The following ATP6V0E1 variants were observed in gnomAD, a reference collection of about 807,000 sequenced individuals.
ATP6V0E1 encodes V-type proton ATPase subunit e 1.
A neutral mutation model predicts 11.6 loss-of-function variants in ATP6V0E1; 4 were observed. The ratio of observed to expected loss-of-function variants is 0.35; its 90% CI spans 0.17 to 0.79. The LOEUF (loss-of-function observed/expected upper bound fraction) is 0.79, where lower values mean the gene tolerates loss of function less well. ATP6V0E1 is among the 30% of genes least tolerant of loss of function. ATP6V0E1 has a pLI of 0.54. For missense variants in ATP6V0E1, 105 were observed against 100.0 expected (o/e 1.05, Z -0.21); for synonymous variants, 36 against 34.8 (o/e 1.04, Z -0.13).
intron 2 of ATP6V0E1, among the ~76,000 whole-genome samples, chr5:173,008,278 G>C (rs1030893387): frequency 6.7e-6 from 1 of 149,794 alleles, no homozygotes; most frequent in Non-Finnish European, 1.5e-5. Context: ...GGAGAGTCCT[G>C]TTCCTTTTTT....
chr5:172,989,571 G>T (rs1755948629), intron 1 of ATP6V0E1, among the ~76,000 whole-genome samples: 1 of 151,104 alleles, frequency 6.6e-6, no homozygotes, highest in Non-Finnish European at 1.5e-5. Context: ...CTGTCACCCA[G>T]GCTGGAGTGC....
In ATP6V0E1 at chr5:173,017,426, C is replaced by T. The variant is rs548032197; in HGVS notation, c.153-2812C>T. 3.6e-4 allele frequency among the ~76,000 whole-genome samples: 54 copies of T among 150,744 alleles called. No individual in the cohort carries two copies. The South Asian group carries it at 8.9e-3, about 25-fold the overall frequency. ...GCAGGCGCCTGTAATCCCAACTACTCGGGAGGCTGAGGCGGGAGAATCGCT... is the reference window on the plus strand; with the variant it reads ...GCAGGCGCCTGTAATCCCAACTACTTGGGAGGCTGAGGCGGGAGAATCGCT... On this transcript the variant is annotated intron_variant, in intron 2 of 3. Coordinates refer to ENST00000519374, the MANE Select transcript of ATP6V0E1 (RefSeq NM_003945.4).
intron 3 of ATP6V0E1, among the ~76,000 whole-genome samples, chr5:173,025,504 C>CTTTTTTT (rs60822937): frequency 3.1e-5 from 2 of 65,570 alleles, no homozygotes; most frequent in Non-Finnish European, 5.5e-5. Context: ...ATATAAAATA[C>CTTTTTTT]TTTTTTTTTT....
chr5:173,001,918 A>G (rs1395975729), intron 2 of ATP6V0E1, among the ~76,000 whole-genome samples: 1 of 152,052 alleles, frequency 6.6e-6, no homozygotes, highest in East Asian at 1.9e-4. Context: ...AGGTTTCTCC[A>G]TGTTGGTCAG....
At chr5:173,019,498 A>G (rs1482654842) in intron 2 of ATP6V0E1, among the ~76,000 whole-genome samples, 1 of 152,022 alleles carries the variant, frequency 6.6e-6, no homozygotes, top group Non-Finnish European at 1.5e-5. Context: ...AGCTTGCAGC[A>G]AGCCGAGATT....
At chr5:173,014,729 GT>G (rs1756377538) in intron 2 of ATP6V0E1, among the ~76,000 whole-genome samples, 1 of 151,760 alleles carries the variant, frequency 6.6e-6, no homozygotes, top group African/African-American at 2.4e-5. Flanking sequence ...AGGAAGGAAA[GT>G]TGTGGGAATA....
intron 2 of ATP6V0E1, among the ~76,000 whole-genome samples, chr5:173,001,605 A>G (rs1756154394): frequency 6.6e-6 from 1 of 152,058 alleles, no homozygotes; most frequent in Admixed American, 6.6e-5. Context: ...CAACCAAGTA[A>G]CCACACGTGG....
At chr5:173,027,193 A>AC (rs1756575431) in intron 3 of ATP6V0E1, among the ~76,000 whole-genome samples, 3 of 133,272 alleles carry the variant, frequency 2.3e-5, no homozygotes, top group Non-Finnish European at 4.8e-5. Context: ...AAAAAAAAAA[A>AC]AAAAAAAAAA....
At chr5:173,024,284 T>A (rs930516833) in intron 3 of ATP6V0E1, among the ~76,000 whole-genome samples, 1 of 151,784 alleles carries the variant, frequency 6.6e-6, no homozygotes, top group Non-Finnish European at 1.5e-5. Flanking sequence ...TTAATTTTCA[T>A]AGTAAGATGT....
At chr5:173,002,416 A>G (rs1287967891) in intron 2 of ATP6V0E1, among the ~76,000 whole-genome samples, 2 of 152,176 alleles carry the variant, frequency 1.3e-5, no homozygotes, top group African/African-American at 4.8e-5. Context: ...TGGAAATTTT[A>G]ATAGAAAAAC....
intron 2 of ATP6V0E1, among the ~76,000 whole-genome samples, chr5:173,013,471 A>C (rs1250746049): frequency 6.7e-6 from 1 of 148,556 alleles, no homozygotes; most frequent in African/African-American, 2.5e-5. Context: ...GCTACTCCGG[A>C]GGCTGAGGCA....
chr5:173,020,694 G>A (rs1425993562), intron 3 of ATP6V0E1: 1 of 520,448 alleles, frequency 1.9e-6, no homozygotes, highest in Non-Finnish European at 3.8e-6. Flanking sequence ...ACTTTAAAAA[G>A]TGGCTGGCAG....
At chr5:173,033,082 G>A (rs1561778921) in intron 3 of ATP6V0E1, among the ~76,000 whole-genome samples, 1 of 152,202 alleles carries the variant, frequency 6.6e-6, no homozygotes, top group African/African-American at 2.4e-5. Context: ...AGGTGAGAGA[G>A]CGAGACTGTC....
chr5:173,020,138 ATTTAAG>A, intron 2 of ATP6V0E1, 94 bp from the exon 3 acceptor site: 1 of 906,930 alleles, frequency 1.1e-6, no homozygotes, highest in Non-Finnish European at 1.8e-6. Context: ...AATGCAGTAG[ATTTAAG>A]TTTTGCTAGT....
At chr5:173,022,323 T>G (rs920792518) in intron 3 of ATP6V0E1, among the ~76,000 whole-genome samples, 1 of 152,230 alleles carries the variant, frequency 6.6e-6, no homozygotes, top group Non-Finnish European at 1.5e-5. Context: ...TTAGTAAGGC[T>G]GATGTGATCA....
At chr5:172,986,913 G>A (rs1387244915) in intron 1 of ATP6V0E1, among the ~76,000 whole-genome samples, 7 of 151,800 alleles carry the variant, frequency 4.6e-5, no homozygotes, top group Non-Finnish European at 1.0e-4. Context: ...TCAGCCTCCC[G>A]AGTAGCTGGG....
chr5:172,997,394 T>C (rs1756081193), intron 2 of ATP6V0E1, among the ~76,000 whole-genome samples: 1 of 150,394 alleles, frequency 6.6e-6, no homozygotes, highest in South Asian at 2.1e-4. Flanking sequence ...AAATGGCTGT[T>C]AAAAAAAAAA....
chr5:173,031,358 A>G (rs1756648993), intron 3 of ATP6V0E1, among the ~76,000 whole-genome samples: 1 of 150,292 alleles, frequency 6.7e-6, no homozygotes, highest in Admixed American at 6.6e-5. Flanking sequence ...TACTGGGATT[A>G]CAGGCATGAG....
intron 2 of ATP6V0E1, among the ~76,000 whole-genome samples, chr5:173,019,155 T>C (rs1276984444): frequency 6.6e-6 from 1 of 152,166 alleles, no homozygotes; most frequent in Non-Finnish European, 1.5e-5. Context: ...GGGTTCTCAC[T>C]GTGTTGCCCA....
Sources: gnomAD v4.1 joint callset for allele counts (sites outside exome capture counted in the v4.1 genomes callset) on GRCh38, gnomAD v4.1.1 for gene constraint, MANE v1.5 for transcripts, NCBI Gene and HGNC (gene_info 2026-07-23, HGNC 2026-07-21) for gene names.